CDH4: variants seen among roughly 807,000 people sequenced by gnomAD.
CDH4 encodes cadherin-4.
In CDH4, 33 loss-of-function variants were observed where a neutral mutation model predicts 86.0. The ratio of observed to expected loss-of-function variants is 0.38; its 90% CI spans 0.29 to 0.51. The LOEUF (loss-of-function observed/expected upper bound fraction) is 0.51, where lower values mean the gene tolerates loss of function less well. CDH4 is among the 20% of genes least tolerant of loss of function. The probability of loss-of-function intolerance (pLI) is 0.86; values close to 1 mark genes in which losing one functional copy is unlikely to be tolerated. For synonymous variants in CDH4, 555 were observed against 549.4 expected, an observed-to-expected ratio of 1.01 and a Z score of -0.14; for missense variants, 1,114 against 1,307.4, an observed-to-expected ratio of 0.85 and a Z score of 2.28.
chr20:61,267,418 G>A (rs188152898), intron 2 of CDH4, among the ~76,000 whole-genome samples: 182 of 152,274 alleles, frequency 1.2e-3, no homozygotes, highest in African/African-American at 4.1e-3. Context: ...GGTGTCTGCC[G>A]AATGTAACCA....
intron 2 of CDH4, among the ~76,000 whole-genome samples, chr20:61,639,601 G>A (rs1414830622): frequency 5.3e-5 from 8 of 152,206 alleles, no homozygotes; most frequent in Non-Finnish European, 1.2e-4. Flanking sequence ...CAACATTATT[G>A]TGGGGCAGAA....
chr20:61,767,075 T>G (rs2145977850), intron 3 of CDH4, among the ~76,000 whole-genome samples: 1 of 152,224 alleles, frequency 6.6e-6, no homozygotes, highest in East Asian at 1.9e-4. Flanking sequence ...GTCCTCTGTG[T>G]GCTGCCCTGA....
At chr20:61,444,538 T>C (rs1200684045) in intron 2 of CDH4, among the ~76,000 whole-genome samples, 2 of 152,180 alleles carry the variant, frequency 1.3e-5, no homozygotes, top group East Asian at 1.9e-4. Flanking sequence ...TGTATCCGTA[T>C]GTATGTGTAT....
intron 2 of CDH4, among the ~76,000 whole-genome samples, chr20:61,467,736 G>T (rs1045000084): frequency 6.6e-6 from 1 of 152,166 alleles, no homozygotes; most frequent in East Asian, 1.9e-4. Flanking sequence ...TATGGTTTAT[G>T]TGGAGGTGGA....
Position 61,784,731 on chromosome 20 carries a change from C to T in CDH4, c.576+11549C>T, listed in dbSNP as rs188348832. On this transcript the variant is annotated intron_variant, in intron 4 of 15. Coordinates refer to ENST00000614565, the MANE Select transcript of CDH4 (RefSeq NM_001794.5). ...CCTCGGGACAGTTCTCAAGGCCCTC[C>T]GATATCCTGTGCCCCCAGGAGAATG... 1.3e-3 allele frequency among the ~76,000 whole-genome samples: 157 copies of T among 121,264 alleles called. 1 individual carries two copies. The highest frequency in any genetic ancestry group is 5.9e-3 in the African/African-American group (154 of 25,904). The allele number at this position is 121,264 out of a possible 152,430, so 79.6% of individuals were successfully genotyped here.
At chr20:61,706,704 A>G (rs1600895667) in intron 2 of CDH4, among the ~76,000 whole-genome samples, 1 of 152,072 alleles carries the variant, frequency 6.6e-6, no homozygotes, top group African/African-American at 2.4e-5. Context: ...TGTAGAAACC[A>G]CCTTGGCTGA....
At chr20:61,851,856 T>C (rs1452852207) in intron 5 of CDH4, among the ~76,000 whole-genome samples, 1 of 152,176 alleles carries the variant, frequency 6.6e-6, no homozygotes, top group African/African-American at 2.4e-5. Context: ...CGGTGTCCAT[T>C]GTCCCTTGGA....
intron 2 of CDH4, among the ~76,000 whole-genome samples, chr20:61,515,321 T>G (rs1321807103): frequency 6.6e-6 from 1 of 152,198 alleles, no homozygotes; most frequent in African/African-American, 2.4e-5. Flanking sequence ...GGTCCCAGAT[T>G]GTCAGAAAGG....
intron 2 of CDH4, among the ~76,000 whole-genome samples, chr20:61,432,132 C>T (rs957422840): frequency 6.6e-6 from 1 of 152,170 alleles, no homozygotes; most frequent in East Asian, 1.9e-4. Context: ...TATGGTTCCA[C>T]CTACCTGGGG....
rs1412385525 is a variant in CDH4 at position 61,777,682 on chromosome 20, G to A, written c.576+4500G>A. Among the ~76,000 whole-genome samples, 4 of 147,856 alleles carry A rather than the reference G, an allele frequency of 2.7e-5. 1 individual carries two copies. Among genetic ancestry groups the A allele is most frequent in the South Asian group, 2.1e-4 (1 of 4,652 alleles). On this transcript the variant is annotated intron_variant, in intron 4 of 15. Transcript: ENST00000614565. ...TGCATACAAAGACACACACCCATACGCGCACACACGTGCATACAAAAACAC... is the reference window on the plus strand; with the variant it reads ...TGCATACAAAGACACACACCCATACACGCACACACGTGCATACAAAAACAC...
At chr20:61,351,429 G>A (rs1031139061) in intron 2 of CDH4, among the ~76,000 whole-genome samples, 6 of 152,190 alleles carry the variant, frequency 3.9e-5, no homozygotes, top group East Asian at 3.8e-4. Flanking sequence ...TGGCATGCAC[G>A]GTGGTAGGTC....
intron 2 of CDH4, among the ~76,000 whole-genome samples, chr20:61,565,258 T>TGGGGA (rs1555809146): frequency 2.3e-4 from 16 of 68,668 alleles, no homozygotes; most frequent in African/African-American, 6.4e-4. Context: ...CTCTTGGTGA[T>TGGGGA]GGTGGTGGTG....
At chr20:61,532,403 C>T (rs1021136693) in intron 2 of CDH4, among the ~76,000 whole-genome samples, 9 of 152,142 alleles carry the variant, frequency 5.9e-5, no homozygotes, top group African/African-American at 1.9e-4. Context: ...AATGGAGCCC[C>T]GTATGAAAAT....
chr20:61,791,721 T>A (rs992568295), intron 4 of CDH4, among the ~76,000 whole-genome samples: 1 of 152,144 alleles, frequency 6.6e-6, no homozygotes, highest in Non-Finnish European at 1.5e-5. Flanking sequence ...AGATGGGACG[T>A]GCCAGCCAAG....
intron 2 of CDH4, among the ~76,000 whole-genome samples, chr20:61,598,342 AC>A (rs202043934): frequency 0.02 from 1,245 of 61,086 alleles, 22 homozygotes; most frequent in African/African-American, 0.073. Context: ...CTGGGACCCC[AC>A]CCCCCCGGCC....
At chr20:61,541,998 C>G (rs960372663) in intron 2 of CDH4, among the ~76,000 whole-genome samples, 2 of 152,200 alleles carry the variant, frequency 1.3e-5, no homozygotes, top group African/African-American at 2.4e-5. Flanking sequence ...CCTGCCACCA[C>G]ATGCCGAACC....
intron 6 of CDH4, among the ~76,000 whole-genome samples, chr20:61,871,682 C>A (rs1000466196): frequency 6.6e-6 from 1 of 151,972 alleles, no homozygotes; most frequent in Non-Finnish European, 1.5e-5. Flanking sequence ...GTGGGGACAT[C>A]GTGATGGGGG....
Position 61,862,232 on chromosome 20 carries a change from C to T in CDH4, c.877+9334C>T, listed in dbSNP as rs963937229. On this transcript the variant is annotated intron_variant, in intron 6 of 15. Transcript: ENST00000614565. ...TCAGGTGGCTGTTGGTCTCCACCAC[C>T]GGGTTCCAGTTCTGAGCACAGAGAC... Among the ~76,000 whole-genome samples the T allele has an allele frequency of 1.8e-4, 27 of 152,166 alleles. 1 individual carries two copies. Among genetic ancestry groups the T allele is most frequent in the African/African-American group, 5.1e-4 (21 of 41,436 alleles).
At chr20:61,755,470 A>C (rs935571082) in intron 3 of CDH4, among the ~76,000 whole-genome samples, 3 of 139,042 alleles carry the variant, frequency 2.2e-5, no homozygotes, top group Admixed American at 7.7e-5. Context: ...CCACACACAC[A>C]CCATACACAC....
Sources: gnomAD v4.1 joint callset for allele counts (sites outside exome capture counted in the v4.1 genomes callset) on GRCh38, gnomAD v4.1.1 for gene constraint, MANE v1.5 for transcripts, NCBI Gene and HGNC (gene_info 2026-07-23, HGNC 2026-07-21) for gene names.